Variants in TAS2R30 observed in about 807,000 individuals in gnomAD.
The protein encoded by TAS2R30 is taste receptor type 2 member 30.
For synonymous variants in TAS2R30, 141 were observed against 131.6 expected, an observed-to-expected ratio of 1.07 and a Z score of -0.49; for missense variants, 395 against 371.6, an observed-to-expected ratio of 1.06 and a Z score of -0.52.
At chr12:11,133,102 A>G (rs1946416810) in exon 1 of TAS2R30, 1 of 668,956 alleles carries the variant, frequency 1.5e-6, no homozygotes, top group African/African-American at 1.9e-5. Flanking sequence ...GTTATTGTCA[A>G]TGTTCTTCAG....
chr12:11,133,319 T>A (rs1199025126), exon 1 of TAS2R30: 1 of 1,613,514 alleles, frequency 6.2e-7, no homozygotes, highest in Middle Eastern at 1.7e-4. Flanking sequence ...TGTGAATCTA[T>A]GGAGACGAAG....
At chr12:11,134,202 C>T in exon 1 of TAS2R30, 1 of 1,613,574 alleles carries the variant, frequency 6.2e-7, no homozygotes, top group Non-Finnish European at 8.5e-7. Flanking sequence ...ACAAATATAA[C>T]CACTATTAGA....
rs1464154644 is a variant in TAS2R30 at position 11,134,360 on chromosome 12, ATTCTTT to A, written c.-122_-117del. On this transcript the variant is annotated 5_prime_UTR_variant, in exon 1 of 1. The change creates a new upstream start codon in the 5' untranslated region. Coordinates refer to ENST00000539585, the Ensembl canonical transcript of TAS2R30. ...ACCTGATTTGTGTATGTGCTGTGAC[ATTCTTT>A]TTACTTTTAATTGCTGTGACCAGTG... The A allele has an allele frequency of 8.3e-7, 1 of 1,202,736 alleles. No individual in the cohort carries two copies. Among genetic ancestry groups the A allele is most frequent in the Non-Finnish European group, 1.1e-6 (1 of 878,806 alleles). The allele number at this position is 1,202,736 out of a possible 1,614,324, so 74.5% of individuals were successfully genotyped here.
chr12:11,133,155 GTA>G, exon 1 of TAS2R30: 1 of 1,091,746 alleles, frequency 9.2e-7, no homozygotes, highest in Non-Finnish European at 1.3e-6. Flanking sequence ...CTATATATAT[GTA>G]CTTTTCTAGA....
chr12:11,133,351 C>G (rs377453241), exon 1 of TAS2R30: 6 of 1,613,690 alleles, frequency 3.7e-6, no homozygotes, highest in Non-Finnish European at 8.5e-7. Context: ...TCACCCAGTA[C>G]CTCACATGCC....
At chr12:11,134,151 A>G (rs756645895) in exon 1 of TAS2R30, 1 of 1,614,106 alleles carries the variant, frequency 6.2e-7, no homozygotes, top group Admixed American at 1.7e-5. Flanking sequence ...CACTCAATGG[A>G]ATTTACCAAT....
At chr12:11,133,374 G>A (rs1946432060) in exon 1 of TAS2R30, 2 of 1,613,758 alleles carry the variant, frequency 1.2e-6, no homozygotes, top group Non-Finnish European at 8.5e-7. Context: ...AAAACTGAAA[G>A]AAAAATCTGC....
exon 1 of TAS2R30, chr12:11,133,903 G>A (rs1410024951): frequency 7.4e-6 from 12 of 1,614,098 alleles, no homozygotes; most frequent in Non-Finnish European, 1.0e-5. Context: ...AAATAAGGTT[G>A]GAGAAATTGG....
exon 1 of TAS2R30, chr12:11,133,325 C>G (rs2597924): frequency 2.8e-4 from 435 of 1,579,270 alleles, no homozygotes; most frequent in Non-Finnish European, 3.5e-4. Context: ...TCTATGGAGA[C>G]GAAGGCTTCT....
At chr12:11,134,350 G>A (rs1435233414) in exon 1 of TAS2R30, 2 of 1,203,506 alleles carry the variant, frequency 1.7e-6, no homozygotes, top group African/African-American at 3.1e-5. Context: ...ATTTGTGTAT[G>A]TGCTGTGACA....
At chr12:11,133,711 A>T (rs746135757) in exon 1 of TAS2R30, 4 of 1,614,194 alleles carry the variant, frequency 2.5e-6, no homozygotes, top group Non-Finnish European at 3.4e-6. Context: ...GCATGGTTAG[A>T]GTCATATTTG....
chr12:11,134,214 T>C (rs1209946015), exon 1 of TAS2R30: 1 of 1,612,858 alleles, frequency 6.2e-7, no homozygotes, highest in Non-Finnish European at 8.5e-7. Flanking sequence ...ACTATTAGAA[T>C]GGAAAAAATG....
chr12:11,133,665 A>G (rs1329565306), exon 1 of TAS2R30: 14 of 1,614,252 alleles, frequency 8.7e-6, no homozygotes, highest in Admixed American at 1.7e-5. Context: ...AGCAGAAAAG[A>G]TATCAGGGTC....
exon 1 of TAS2R30, chr12:11,134,164 T>A (rs1412414947): frequency 6.2e-7 from 1 of 1,614,014 alleles, no homozygotes; most frequent in South Asian, 1.1e-5. Flanking sequence ...TTACCAATGC[T>A]ATGAAGCCAT....
rs201063531 is a variant in TAS2R30, at chr12:11,133,225, T to C, written c.*60A>G. 9.1e-5 allele frequency: 82 copies of C among 902,348 alleles called. No individual in the cohort carries two copies. In the Middle Eastern group the frequency reaches 9.9e-4, roughly 11 times the overall value. The allele number at this position is 902,348 out of a possible 1,614,324, so 55.9% of individuals were successfully genotyped here. On this transcript the variant is annotated 3_prime_UTR_variant, in exon 1 of 1. Coordinates refer to ENST00000539585, the Ensembl canonical transcript of TAS2R30. ...CATGTGGAAATTATTCATATACATA[T>C]ATTACAGAAAACCCAGTAAGAAATA...
exon 1 of TAS2R30, chr12:11,133,607 C>G (rs1946442966): frequency 1.2e-6 from 2 of 1,614,228 alleles, no homozygotes; most frequent in Admixed American, 3.3e-5. Flanking sequence ...AGATCCTTTG[C>G]CATGGAGCTG....
At chr12:11,134,381 T>C in exon 1 of TAS2R30, 1 of 1,092,906 alleles carries the variant, frequency 9.1e-7, no homozygotes, top group Non-Finnish European at 1.3e-6. Flanking sequence ...TTTTAATTGC[T>C]GTGACCAGTG....
exon 1 of TAS2R30, chr12:11,133,136 C>CAT (rs1249446363): frequency 4.8e-5 from 47 of 977,386 alleles, no homozygotes; most frequent in Non-Finnish European, 6.3e-5. Flanking sequence ...CACACACACA[C>CAT]ACACACATCT....
exon 1 of TAS2R30, chr12:11,133,365 A>C (rs766348171): frequency 6.2e-7 from 1 of 1,613,974 alleles, no homozygotes; most frequent in Non-Finnish European, 8.5e-7. Flanking sequence ...ACATGCCGCA[A>C]AACTGAAAGA....
Sources: allele counts gnomAD v4.1 joint callset, GRCh38; gene constraint gnomAD v4.1.1; transcripts MANE v1.5; gene names NCBI Gene and HGNC (gene_info 2026-07-23, HGNC 2026-07-21).